ECM2: variants seen among roughly 807,000 people sequenced by gnomAD.
ECM2 encodes extracellular matrix protein 2, also known as extracellular matrix protein 2, female organ and adipocyte specific.
In ECM2, 57 loss-of-function variants were observed where a neutral mutation model predicts 67.5. That is an observed-to-expected ratio of 0.84 (90% CI 0.68 to 1.05). ECM2 has a LOEUF of 1.05. Ranked by LOEUF, ECM2 falls within the 50% of genes least tolerant of loss-of-function variation. The probability of loss-of-function intolerance (pLI) is 0.00; values close to 1 mark genes in which losing one functional copy is unlikely to be tolerated. For synonymous variants in ECM2, 258 were observed against 294.5 expected (o/e 0.88, Z 1.27); for missense variants, 741 against 822.8 (o/e 0.90, Z 1.22).
intron 1 of ECM2, among the ~76,000 whole-genome samples, chr9:92,530,212 C>T (rs72754439): frequency 0.011 from 1,713 of 152,176 alleles, 20 homozygotes; most frequent in South Asian, 0.019. Flanking sequence ...AAGGTGGGTA[C>T]ATGTCATTAA....
At chr9:92,552,074 AT>A in the ECM2 span, among the ~76,000 whole-genome samples, 1 of 108,524 alleles carries the variant, frequency 9.2e-6, no homozygotes, top group African/African-American at 4.4e-5. Flanking sequence ...GATATGATAG[AT>A]CTATCATATA....
chr9:92,519,791 A>G lies in ECM2; in HGVS notation c.293-1916T>C, dbSNP rs113247881. ...TTGGCAGTGGATTCTTAGATGTGAC[A>G]CCTAAAGTAAAAGATAAATTAGACT... On this transcript the variant is annotated intron_variant, in intron 2 of 9. Transcript: ENST00000344604. Among the ~76,000 whole-genome samples the G allele has an allele frequency of 2.4e-3, 361 of 152,282 alleles. 1 individual carries two copies. The highest frequency in any genetic ancestry group is 8.3e-3 in the African/African-American group (346 of 41,542).
chr9:92,532,029 A>ATTTTTTTTTTTTTTTTTTTTTTTTTTT (rs201461115), intron 1 of ECM2, among the ~76,000 whole-genome samples: 11 of 91,040 alleles, frequency 1.2e-4, no homozygotes, highest in Non-Finnish European at 1.9e-4. Context: ...TTTTTTTTTT[A>ATTTTTTTTTTTTTTTTTTTTTTTTTTT]TTTTATTTTT....
the ECM2 span, among the ~76,000 whole-genome samples, chr9:92,552,677 CT>C: frequency 6.6e-6 from 1 of 152,046 alleles, no homozygotes; most frequent in African/African-American, 2.4e-5. Flanking sequence ...CATTAGCCCA[CT>C]TTTTGATAGG....
chr9:92,558,175 C>G, the ECM2 span, among the ~76,000 whole-genome samples: 4 of 152,104 alleles, frequency 2.6e-5, no homozygotes, highest in African/African-American at 9.7e-5. Context: ...GGATCCATTG[C>G]TGGTGAACTA....
At chr9:92,551,944 T>TA in the ECM2 span, among the ~76,000 whole-genome samples, 1 of 130,000 alleles carries the variant, frequency 7.7e-6, no homozygotes, top group African/African-American at 3.3e-5. Context: ...TATATATATA[T>TA]ATATATATGA....
intron 1 of ECM2, among the ~76,000 whole-genome samples, chr9:92,534,208 G>A (rs1849032161): frequency 6.6e-6 from 1 of 152,088 alleles, no homozygotes; most frequent in Non-Finnish European, 1.5e-5. Flanking sequence ...ATTTCCTAGT[G>A]TAGCTGTATA....
At chr9:92,510,707 T>A (rs888239780) in intron 5 of ECM2, among the ~76,000 whole-genome samples, 2 of 152,224 alleles carry the variant, frequency 1.3e-5, no homozygotes, top group Admixed American at 1.3e-4. Context: ...GATTCACTTC[T>A]CCAGTGATCA....
upstream of ECM2, among the ~76,000 whole-genome samples, chr9:92,538,448 A>G (rs549372858): frequency 6.6e-6 from 1 of 152,222 alleles, no homozygotes; most frequent in Non-Finnish European, 1.5e-5. Flanking sequence ...TATTTTTATC[A>G]TGTTTTGAGC....
chr9:92,551,153 T>C, the ECM2 span, among the ~76,000 whole-genome samples: 10 of 152,268 alleles, frequency 6.6e-5, no homozygotes, highest in East Asian at 1.9e-4. Flanking sequence ...GCGGAGCCCA[T>C]GTCACAAACC....
At chr9:92,494,143 AAC>A, downstream of ECM2, 1 of 1,597,454 alleles carries the variant, frequency 6.3e-7, no homozygotes, top group Non-Finnish European at 8.5e-7. Flanking sequence ...CAGCATCTGA[AAC>A]ACAGCTGAAT....
downstream of ECM2, among the ~76,000 whole-genome samples, chr9:92,494,871 C>T (rs899941532): frequency 6.6e-6 from 1 of 152,102 alleles, no homozygotes; most frequent in Non-Finnish European, 1.5e-5. Flanking sequence ...TGCACCACTG[C>T]ACTCCAGCCT....
intron 1 of ECM2, among the ~76,000 whole-genome samples, chr9:92,533,328 A>AAAAAAAAATATATATATAT (rs1554683138): frequency 7.8e-5 from 3 of 38,332 alleles, no homozygotes; most frequent in Non-Finnish European, 1.3e-4. Context: ...AAAAAAAAAA[A>AAAAAAAAATATATATATAT]ATATATATAT....
In ECM2 at chr9:92,500,949, C is replaced by T. The variant is rs1234033612; in HGVS notation, c.1709G>A (p.Arg570Gln). ...HLVLLGNQIE[R>Q]IPGYVFGHME... ...GTGGCCAAACACATAGCCAGGGATC[C>T]GTTCAATCTGGTTCCCAAGGAGTAC... is the stretch of plus-strand genomic sequence containing the variant. Residue 570 changes from arginine to glutamine, a missense_variant, in exon 9 of 10, where the codon CGG becomes CAG. Transcript: ENST00000344604. 7 of 1,614,002 alleles carry T rather than the reference C, an allele frequency of 4.3e-6. No homozygotes were observed. The highest frequency in any genetic ancestry group is 4.5e-5 in the East Asian group (2 of 44,894).
intron 6 of ECM2, 40 bp downstream of exon 6, chr9:92,509,858 AT>A: frequency 6.4e-7 from 1 of 1,573,300 alleles, no homozygotes; most frequent in Non-Finnish European, 8.6e-7. Flanking sequence ...TATAGGAAAG[AT>A]TATAAGGAAG....
At chr9:92,532,919 T>TA (rs1848886808) in intron 1 of ECM2, among the ~76,000 whole-genome samples, 1 of 152,036 alleles carries the variant, frequency 6.6e-6, no homozygotes, top group East Asian at 1.9e-4. Context: ...ACTTGAGAAT[T>TA]TGCGTCTGTT....
intron 3 of ECM2, 81 bp downstream of exon 3, chr9:92,517,606 T>C (rs1186120680): frequency 6.3e-6 from 10 of 1,578,898 alleles, no homozygotes; most frequent in Non-Finnish European, 8.7e-6. Flanking sequence ...ATCATAATTT[T>C]AATCTAAAAT....
In ECM2 at chr9:92,496,476, G is replaced by T. The variant is rs780853077; in HGVS notation, c.1939C>A (p.Leu647Ile). 2 of 1,608,468 alleles carry T rather than the reference G, an allele frequency of 1.2e-6. No individual in the cohort carries two copies. The highest frequency in any genetic ancestry group is 1.1e-5 in the South Asian group (1 of 89,350). ...RLNNNKIRNI[L>I]PEEICNAEED... ...TCAGCATTGCAAATTTCTTCTGGAA[G>T]AATGTTCCTAAGGAAAAATAGACAT... The change falls in exon 10 of 10, where the codon CTT (leucine) becomes ATT (isoleucine). Residue 647 changes from leucine to isoleucine, a missense_variant. Physicochemically the swap from Leu to Ile is conservative, Grantham distance 5 (BLOSUM62 2). Transcript: ENST00000344604.
chr9:92,495,758 T>G lies in ECM2; in HGVS notation c.*557A>C, dbSNP rs533184193. The G allele has an allele frequency of 1.5e-5, 14 of 939,976 alleles. No homozygotes were observed. The African/African-American group carries it at 2.5e-4, about 17-fold the overall frequency. 58.2% of individuals were successfully genotyped at this position (939,976 alleles called of 1,614,324 possible). A position where few individuals can be genotyped will look rare whatever the true frequency, so the allele number is the denominator to read the frequency against. On this transcript the variant is annotated 3_prime_UTR_variant, in exon 10 of 10. Coordinates refer to ENST00000344604, the MANE Select transcript of ECM2 (RefSeq NM_001393.4). Reference sequence around the variant, plus strand: ...AATTAACATTACAGTAGTGTTTTAATTTTACACATGTAATTAATGGAAGAA... The same window carrying G: ...AATTAACATTACAGTAGTGTTTTAAGTTTACACATGTAATTAATGGAAGAA...
Sources: gnomAD v4.1 joint callset for allele counts (sites outside exome capture counted in the v4.1 genomes callset) on GRCh38, gnomAD v4.1.1 for gene constraint, MANE v1.5 for transcripts, NCBI Gene and HGNC (gene_info 2026-07-23, HGNC 2026-07-21) for gene names.